Variants in SPPL2A observed in about 807,000 individuals in gnomAD.
SPPL2A encodes signal peptide peptidase-like 2A.
A neutral mutation model predicts 63.8 loss-of-function variants in SPPL2A; 51 were observed. The observed-to-expected ratio is 0.80, with a 90% confidence interval of 0.64 to 1.01. The LOEUF (loss-of-function observed/expected upper bound fraction) is 1.01. SPPL2A is among the 50% of genes least tolerant of loss of function. SPPL2A has a pLI of 0.00. For missense variants in SPPL2A, 553 were observed against 622.7 expected (o/e 0.89, Z 1.19); for synonymous variants, 188 against 205.8 (o/e 0.91, Z 0.74).
rs2062518044 is a variant in SPPL2A, at chr15:50,707,373, TC to T, written c.*426del. The T allele has an allele frequency of 1.3e-5, 2 of 153,348 alleles. No individual in the cohort carries two copies. Among genetic ancestry groups the T allele is most frequent in the African/African-American group, 4.8e-5 (2 of 41,460 alleles). 9.5% of individuals were successfully genotyped at this position (153,348 alleles called of 1,614,324 possible). A position where few individuals can be genotyped will look rare whatever the true frequency, so the allele number is the denominator to read the frequency against. On this transcript the variant is annotated 3_prime_UTR_variant, in exon 15 of 15. Coordinates refer to ENST00000261854, the MANE Select transcript of SPPL2A (RefSeq NM_032802.4). ...ACCTCGTGATCCGCCCGCCTTGGCC[TC>T]CCAAAGTGTTGGGATTACAGGCGTG...
intron 9 of SPPL2A, 45 bp from the exon 10 acceptor site, chr15:50,731,084 T>C (rs1274522466): frequency 3.7e-6 from 3 of 806,752 alleles, no homozygotes; most frequent in Non-Finnish European, 6.3e-6. Flanking sequence ...TTCCTAAATG[T>C]AAATGAAGGC....
chr15:50,752,383 A>G (rs918484586), intron 1 of SPPL2A, among the ~76,000 whole-genome samples: 1 of 151,618 alleles, frequency 6.6e-6, no homozygotes, highest in African/African-American at 2.4e-5. Context: ...GGAGTTCGAG[A>G]TCAGCATGGC....
intron 10 of SPPL2A, among the ~76,000 whole-genome samples, chr15:50,728,833 G>A (rs74584496): frequency 1.0e-4 from 10 of 95,616 alleles, no homozygotes; most frequent in Admixed American, 7.0e-4. Context: ...TTTTTTTTTT[G>A]AGATGGAGTC....
In SPPL2A at chr15:50,730,128, A is replaced by G. The variant is rs138856553; in HGVS notation, c.1089+837T>C. Among the ~76,000 whole-genome samples, 303 of 152,338 alleles carry G rather than the reference A, an allele frequency of 2.0e-3. 1 individual carries two copies. The highest frequency in any genetic ancestry group is 6.7e-3 in the African/African-American group (280 of 41,578). ...TGGGAGAAAGTAGGGGAATTAAGCA[A>G]TAATTAATATTATATTCATGAGACA... On this transcript the variant is annotated intron_variant, in intron 10 of 14. Coordinates refer to ENST00000261854, the MANE Select transcript of SPPL2A (RefSeq NM_032802.4).
rs548865905 is a variant in SPPL2A at position 50,706,389 on chromosome 15, C to CAGA, written c.*1410_*1411insTCT. 1.6e-3 allele frequency: 71 copies of CAGA among 45,022 alleles called. No individual in the cohort carries two copies. The highest frequency in any genetic ancestry group is 6.4e-3 in the African/African-American group (70 of 10,900). 2.8% of individuals were successfully genotyped at this position (45,022 alleles called of 1,614,324 possible). A position where few individuals can be genotyped will look rare whatever the true frequency, so the allele number is the denominator to read the frequency against. ...TGGGCGACAGAGCGAGACTCCGTCT[C>CAGA]AAAAAAAAAAAAAAAAAAAAAAAGA... On this transcript the variant is annotated 3_prime_UTR_variant, in exon 15 of 15. Transcript: ENST00000261854.
In SPPL2A at chr15:50,703,167, G is replaced by C. The variant is rs1432380623; in HGVS notation, c.*4633C>G. On this transcript the variant is annotated 3_prime_UTR_variant, in exon 15 of 15. Coordinates refer to ENST00000261854, the MANE Select transcript of SPPL2A (RefSeq NM_032802.4). ...TACAGCCTCAAACTCCTGGGCTCAA[G>C]GGACCCTCCCATCTCAGCCAGTACA... 2 of 150,968 alleles carry C rather than the reference G, an allele frequency of 1.3e-5. No individual in the cohort carries two copies. Among genetic ancestry groups the C allele is most frequent in the African/African-American group, 4.9e-5 (2 of 41,072 alleles). 9.4% of individuals were successfully genotyped at this position (150,968 alleles called of 1,614,324 possible). A position where few individuals can be genotyped will look rare whatever the true frequency, so the allele number is the denominator to read the frequency against.
At chr15:50,716,096 C>CT (rs772325801) in intron 14 of SPPL2A, among the ~76,000 whole-genome samples, 10 of 152,122 alleles carry the variant, frequency 6.6e-5, no homozygotes, top group Non-Finnish European at 1.5e-4. Context: ...TCACTTAAAC[C>CT]TTAACTATCT....
rs146177471 is a variant in SPPL2A at position 50,712,890 on chromosome 15, T to C, written c.1489-5016A>G. On this transcript the variant is annotated intron_variant, in intron 14 of 14. Transcript: ENST00000261854. The stretch of plus-strand genomic sequence containing the variant: ...TAATAGAGACAGAAGTTTCACCATG[T>C]TGGTCAGGCTGTCTCAAACTCCTGA... Among the ~76,000 whole-genome samples, 879 of 152,110 alleles carry C rather than the reference T, an allele frequency of 5.8e-3. 15 individuals are homozygous for C. Among genetic ancestry groups the C allele is most frequent in the African/African-American group, 0.02 (829 of 41,518 alleles).
chr15:50,764,662 G>GA (rs1490315424), intron 1 of SPPL2A: 2 of 152,096 alleles, frequency 1.3e-5, no homozygotes, highest in Non-Finnish European at 2.9e-5. Context: ...AACAAAAACT[G>GA]AAACACCGGG....
chr15:50,761,570 C>T (rs2063011762), intron 1 of SPPL2A, among the ~76,000 whole-genome samples: 4 of 151,494 alleles, frequency 2.6e-5, no homozygotes, highest in African/African-American at 2.4e-5. Context: ...GAGCTGGGAT[C>T]GCACCATTGC....
chr15:50,734,792 AATAT>A (rs1290249943), intron 8 of SPPL2A, among the ~76,000 whole-genome samples: 1 of 152,262 alleles, frequency 6.6e-6, no homozygotes, highest in Non-Finnish European at 1.5e-5. Context: ...GTATCCCGTA[AATAT>A]ATATAGTCAT....
rs1341319849 is a variant in SPPL2A at position 50,749,993 on chromosome 15, C to T, written c.67-247G>A. Among the ~76,000 whole-genome samples, 3 of 152,180 alleles carry T rather than the reference C, an allele frequency of 2.0e-5. No individual in the cohort carries two copies. The East Asian group carries it at 5.8e-4, about 29-fold the overall frequency. On this transcript the variant is annotated intron_variant, in intron 1 of 14. Coordinates refer to ENST00000261854, the MANE Select transcript of SPPL2A (RefSeq NM_032802.4). Reference sequence around the variant, plus strand: ...TTTCTTAAGGGAGTAACAATTATGACTCTTGTTATAAGGGCCGTACCCCAG... The same window carrying T: ...TTTCTTAAGGGAGTAACAATTATGATTCTTGTTATAAGGGCCGTACCCCAG...
At chr15:50,711,621 A>T (rs2062559420) in intron 14 of SPPL2A, among the ~76,000 whole-genome samples, 2 of 152,204 alleles carry the variant, frequency 1.3e-5, no homozygotes, top group African/African-American at 2.4e-5. Context: ...TATTTCAATA[A>T]GGTCTCCAAG....
At chr15:50,765,419 C>G (rs1373328033) in intron 1 of SPPL2A, 49 bp downstream of exon 1, 2 of 1,434,376 alleles carry the variant, frequency 1.4e-6, no homozygotes, top group Non-Finnish European at 1.8e-6. Flanking sequence ...GCCTTGGCCC[C>G]GGCCCCGCCC....
intron 14 of SPPL2A, among the ~76,000 whole-genome samples, chr15:50,717,767 A>G (rs554218566): frequency 6.6e-6 from 1 of 151,420 alleles, no homozygotes; most frequent in South Asian, 2.1e-4. Flanking sequence ...TCAACATGGA[A>G]CACACAGCTC....
At chr15:50,747,995 C>T (rs2062872840) in intron 4 of SPPL2A, 118 bp downstream of exon 4, 1 of 498,354 alleles carries the variant, frequency 2.0e-6, no homozygotes, top group Non-Finnish European at 3.4e-6. Flanking sequence ...CTTGATAGGC[C>T]TTATAGCTTC....
intron 4 of SPPL2A, 44 bp downstream of exon 4, chr15:50,748,069 T>A (rs766518128): frequency 1.3e-6 from 1 of 755,688 alleles, no homozygotes; most frequent in Admixed American, 3.4e-5. Context: ...AATAAAGAGA[T>A]ACAGTATTTA....
chr15:50,714,629 C>T (rs1378135852), intron 14 of SPPL2A, among the ~76,000 whole-genome samples: 10 of 121,818 alleles, frequency 8.2e-5, no homozygotes, highest in Non-Finnish European at 1.4e-4. Context: ...GAAACTCCAT[C>T]TCAAAAAAAA....
intron 12 of SPPL2A, among the ~76,000 whole-genome samples, chr15:50,724,168 C>A (rs1226054215): frequency 6.6e-6 from 1 of 152,160 alleles, no homozygotes; most frequent in Non-Finnish European, 1.5e-5. Flanking sequence ...CAAGGCAACG[C>A]TGCTAGCTTT....
Sources: gnomAD v4.1 joint callset for allele counts (sites outside exome capture counted in the v4.1 genomes callset) on GRCh38, gnomAD v4.1.1 for gene constraint, MANE v1.5 for transcripts, NCBI Gene and HGNC (gene_info 2026-07-23, HGNC 2026-07-21) for gene names.